The following FOXP2 variants were observed in gnomAD, a reference collection of about 807,000 sequenced individuals.
FOXP2 encodes the protein forkhead box protein P2.
FOXP2 carries 12 observed loss-of-function variants against 115.8 expected under a neutral mutation model. The ratio of observed to expected loss-of-function variants is 0.10; its 90% CI spans 0.07 to 0.17. FOXP2 has a LOEUF of 0.17. FOXP2 is among the 10% of genes least tolerant of loss of function. The pLI is 1.00. For synonymous variants in FOXP2, 328 were observed against 297.7 expected (o/e 1.10, Z -1.05); for missense variants, 629 against 843.5 (o/e 0.75, Z 3.15).
intron 1 of FOXP2, among the ~76,000 whole-genome samples, chr7:114,264,511 C>A (rs1439764780): frequency 1.3e-5 from 2 of 152,174 alleles, no homozygotes; most frequent in Admixed American, 6.5e-5. Context: ...CCTCATCAAG[C>A]CTTTCCTGAT....
rs1793260528 is a variant in FOXP2 at position 114,414,820 on chromosome 7, C to T, written c.-551C>T. 3.0e-6 allele frequency: 1 copy of T among 328,250 alleles called. No individual in the cohort carries two copies. Among genetic ancestry groups the T allele is most frequent in the Non-Finnish European group, 6.0e-6 (1 of 166,840 alleles). 20.3% of individuals were successfully genotyped at this position (328,250 alleles called of 1,614,324 possible). A position where few individuals can be genotyped will look rare whatever the true frequency, so the allele number is the denominator to read the frequency against. ...AAGCAAGAAGTGTATTTATCACAGA[C>T]ATGAAAGCTAACCGAGGACTTGAGA... On this transcript the variant is annotated 5_prime_UTR_variant, in exon 1 of 17. Transcript: ENST00000350908.
intron 2 of FOXP2, among the ~76,000 whole-genome samples, chr7:114,524,779 C>T (rs145374106): frequency 9.9e-5 from 15 of 151,992 alleles, no homozygotes; most frequent in South Asian, 6.2e-4. Flanking sequence ...TTCTACATTG[C>T]GACGTAATTA....
chr7:114,256,958 A>G (rs990418925), intron 1 of FOXP2, among the ~76,000 whole-genome samples: 5 of 152,246 alleles, frequency 3.3e-5, no homozygotes, highest in African/African-American at 9.6e-5. Context: ...TAAAATTCAT[A>G]TGGAACCAAA....
chr7:114,559,654 G>T lies in FOXP2; in HGVS notation c.258+24948G>T, dbSNP rs536464995. Among the ~76,000 whole-genome samples, 11 of 152,204 alleles carry T rather than the reference G, an allele frequency of 7.2e-5. No homozygotes were observed. The South Asian group carries it at 1.7e-3, about 23-fold the overall frequency. ...TCCCAGCACTTTGGGAGGCCAAGGC[G>T]GGCAGATCACGAGGTCAGGAGATCG... On this transcript the variant is annotated intron_variant, in intron 3 of 16. Coordinates refer to ENST00000350908, the MANE Select transcript of FOXP2 (RefSeq NM_014491.4).
intron 1 of FOXP2, among the ~76,000 whole-genome samples, chr7:114,418,501 G>A (rs1440200968): frequency 6.6e-6 from 1 of 151,782 alleles, no homozygotes; most frequent in African/African-American, 2.4e-5. Context: ...ACTCTTGTTA[G>A]TATTACAAAG....
At chr7:114,588,306 A>AAAAAAC (rs1047943040) in intron 3 of FOXP2, among the ~76,000 whole-genome samples, 8 of 152,148 alleles carry the variant, frequency 5.3e-5, no homozygotes, top group South Asian at 2.1e-4. Flanking sequence ...ACTCTGTCTC[A>AAAAAAC]AAAAACAAAA....
At chr7:114,310,875 A>C (rs1398821483) in intron 2 of FOXP2, among the ~76,000 whole-genome samples, 1 of 152,144 alleles carries the variant, frequency 6.6e-6, no homozygotes, top group African/African-American at 2.4e-5. Context: ...GTACACTTGG[A>C]AGAGGGACAA....
upstream of FOXP2, among the ~76,000 whole-genome samples, chr7:114,158,286 T>C (rs1792725408): frequency 6.6e-6 from 1 of 152,146 alleles, no homozygotes; most frequent in East Asian, 1.9e-4. Context: ...AGCCCATCCA[T>C]TTAACCCTCG....
intron 1 of FOXP2, among the ~76,000 whole-genome samples, chr7:114,145,431 T>TTTTTCTTTTCTTTTCTTTTC (rs61612673): frequency 0.014 from 1,357 of 100,440 alleles, 45 homozygotes; most frequent in African/African-American, 0.024. Context: ...GCTTTGCCAT[T>TTTTTCTTTTCTTTTCTTTTC]TTTTCTTTTC....
At chr7:114,159,638 T>C (rs763681338), upstream of FOXP2, among the ~76,000 whole-genome samples, 8 of 152,114 alleles carry the variant, frequency 5.3e-5, no homozygotes, top group Non-Finnish European at 8.8e-5. Flanking sequence ...TATTAATAAT[T>C]GCAATAGGTA....
At chr7:114,299,209 T>C (rs180969328) in intron 2 of FOXP2, among the ~76,000 whole-genome samples, 1 of 152,282 alleles carries the variant, frequency 6.6e-6, no homozygotes, top group Non-Finnish European at 1.5e-5. Context: ...AAAAGGATTC[T>C]GTTAGTATTT....
At chr7:114,457,680 C>G (rs1042182920) in intron 2 of FOXP2, among the ~76,000 whole-genome samples, 5 of 152,050 alleles carry the variant, frequency 3.3e-5, no homozygotes, top group African/African-American at 9.7e-5. Flanking sequence ...GGGCAGATCA[C>G]GAGGTCAGGA....
intron 2 of FOXP2, among the ~76,000 whole-genome samples, chr7:114,484,589 ATTGT>A (rs773437248): frequency 6.6e-6 from 1 of 151,878 alleles, no homozygotes; most frequent in Non-Finnish European, 1.5e-5. Context: ...AATGACATTG[ATTGT>A]TCACATTTCT....
intron 3 of FOXP2, among the ~76,000 whole-genome samples, chr7:114,536,481 T>C (rs939275781): frequency 2.7e-5 from 4 of 150,084 alleles, no homozygotes; most frequent in African/African-American, 9.8e-5. Flanking sequence ...GTACTTTTCC[T>C]TACAAAATAC....
chr7:114,428,217 G>A (rs963278921), intron 2 of FOXP2, among the ~76,000 whole-genome samples: 18 of 151,524 alleles, frequency 1.2e-4, no homozygotes, highest in African/African-American at 3.4e-4. Context: ...AATGAACATC[G>A]CAGTTGAGTA....
intron 2 of FOXP2, among the ~76,000 whole-genome samples, chr7:114,301,287 A>G (rs1481103056): frequency 6.6e-6 from 1 of 152,142 alleles, no homozygotes; most frequent in Non-Finnish European, 1.5e-5. Flanking sequence ...TATTAAGAAT[A>G]TAAAAATACC....
intron 1 of FOXP2, among the ~76,000 whole-genome samples, chr7:114,257,377 G>T (rs1795642166): frequency 6.6e-6 from 1 of 151,802 alleles, no homozygotes; most frequent in South Asian, 2.1e-4. Flanking sequence ...TTAGGACATA[G>T]GCACAGGCAA....
At chr7:114,672,619 T>TC (rs5886721) in intron 16 of FOXP2, among the ~76,000 whole-genome samples, 146,696 of 152,068 alleles carry the variant, frequency 0.96, 70,962 homozygotes, top group East Asian at 1. Flanking sequence ...TACTCCTTAT[T>TC]CATCTAATGT....
At chr7:114,228,353 G>T (rs1482788102) in intron 1 of FOXP2, among the ~76,000 whole-genome samples, 1 of 151,932 alleles carries the variant, frequency 6.6e-6, no homozygotes, top group Non-Finnish European at 1.5e-5. Flanking sequence ...GCCCTCAATT[G>T]GTGCCTTTAT....
Sources: allele counts gnomAD v4.1 joint callset (sites outside exome capture counted in the v4.1 genomes callset), GRCh38; gene constraint gnomAD v4.1.1; transcripts MANE v1.5; gene names NCBI Gene and HGNC (gene_info 2026-07-23, HGNC 2026-07-21).